Variants in PSD2 observed in about 807,000 individuals in gnomAD.
PSD2 encodes PH and SEC7 domain-containing protein 2.
In PSD2, 38 loss-of-function variants were observed where a neutral mutation model predicts 69.8. The ratio of observed to expected loss-of-function variants is 0.54; its 90% confidence interval spans 0.42 to 0.71. PSD2 has a LOEUF of 0.71. PSD2 is among the 30% of genes least tolerant of loss of function. The pLI, the probability that PSD2 is intolerant of heterozygous loss-of-function variation, is 0.00. For missense variants in PSD2, 943 were observed against 1,014.5 expected (o/e 0.93, Z 0.96); for synonymous variants, 412 against 423.0 (o/e 0.97, Z 0.32).
the PSD2 span, among the ~76,000 whole-genome samples, chr5:139,751,953 C>T: frequency 4.6e-5 from 7 of 151,962 alleles, no homozygotes; most frequent in Admixed American, 1.3e-4. Context: ...TCACCATGCC[C>T]GGCTAATGTT....
chr5:139,762,092 G>T, the PSD2 span, among the ~76,000 whole-genome samples: 1 of 152,098 alleles, frequency 6.6e-6, no homozygotes, highest in African/African-American at 2.4e-5. Flanking sequence ...TGCCAGGCTG[G>T]AGTGCAGTGG....
the PSD2 span, among the ~76,000 whole-genome samples, chr5:139,765,843 C>A: frequency 1.3e-5 from 2 of 152,234 alleles, no homozygotes; most frequent in African/African-American, 2.4e-5. Context: ...CCGCCGCCGT[C>A]GTGGCTTTGG....
At chr5:139,778,310 G>T in the PSD2 span, among the ~76,000 whole-genome samples, 2 of 152,232 alleles carry the variant, frequency 1.3e-5, no homozygotes, top group African/African-American at 4.8e-5. Flanking sequence ...CCCAAGAACT[G>T]TAAGCCTTGG....
At chr5:139,748,846 CAG>C in the PSD2 span, among the ~76,000 whole-genome samples, 3 of 151,090 alleles carry the variant, frequency 2.0e-5, no homozygotes, top group Admixed American at 6.6e-5. Context: ...AGGGAAAAAA[CAG>C]AGAATAAATA....
At chr5:139,822,699 C>T (rs763407021) in intron 6 of PSD2, 27 bp from the exon 7 acceptor site, 1 of 1,602,058 alleles carries the variant, frequency 6.2e-7, no homozygotes, top group Non-Finnish European at 8.5e-7. Flanking sequence ...GATCCTCGCA[C>T]TGAGAGTGCC....
intron 8 of PSD2, among the ~76,000 whole-genome samples, chr5:139,835,409 G>T (rs1442201968): frequency 1.3e-5 from 2 of 152,084 alleles, no homozygotes; most frequent in Non-Finnish European, 2.9e-5. Flanking sequence ...ACCCTGTCGA[G>T]CACTTGCTGT....
chr5:139,757,734 C>CTGGTG, the PSD2 span, among the ~76,000 whole-genome samples: 1 of 152,186 alleles, frequency 6.6e-6, no homozygotes, highest in Non-Finnish European at 1.5e-5. Flanking sequence ...AAAAGCAGGC[C>CTGGTG]TCCAGACCTT....
In PSD2 at chr5:139,807,975, C is replaced by A. The variant is rs147909952; in HGVS notation, c.-50-1416C>A. Reference sequence around the variant, plus strand: ...CAAGTCCCTCAGGTGGTGTTTATGACCAGGCAAGTATAGGAAGTTTGAGCC... The same window carrying A: ...CAAGTCCCTCAGGTGGTGTTTATGAACAGGCAAGTATAGGAAGTTTGAGCC... On this transcript the variant is annotated intron_variant, in intron 1 of 14. Coordinates refer to ENST00000274710, the MANE Select transcript of PSD2 (RefSeq NM_032289.4). Among the ~76,000 whole-genome samples the A allele has an allele frequency of 5.5e-3, 831 of 152,294 alleles. 7 individuals carry two copies. The highest frequency in any genetic ancestry group is 9.1e-3 in the South Asian group (44 of 4,824).
At chr5:139,787,931 G>C in the PSD2 span, among the ~76,000 whole-genome samples, 45,090 of 152,144 alleles carry the variant, frequency 0.3, 7,139 homozygotes, top group African/African-American at 0.41. Context: ...AGGAGACTTT[G>C]AGAACGGGCG....
At chr5:139,787,967 T>A in the PSD2 span, among the ~76,000 whole-genome samples, 2 of 152,326 alleles carry the variant, frequency 1.3e-5, no homozygotes, top group South Asian at 4.1e-4. Context: ...GGCTGATTTT[T>A]GAGTGCCTGC....
chr5:139,816,417 C>T (rs1760123103), intron 4 of PSD2, among the ~76,000 whole-genome samples: 1 of 152,186 alleles, frequency 6.6e-6, no homozygotes, highest in Non-Finnish European at 1.5e-5. Flanking sequence ...CTCTTTTAAC[C>T]AACAACAGTT....
the PSD2 span, among the ~76,000 whole-genome samples, chr5:139,748,733 C>A: frequency 9.8e-5 from 15 of 152,376 alleles, no homozygotes; most frequent in East Asian, 3.9e-4. Flanking sequence ...GCCCGTCCTC[C>A]TAGGCAATGC....
At chr5:139,767,337 C>T in the PSD2 span, among the ~76,000 whole-genome samples, 1 of 151,688 alleles carries the variant, frequency 6.6e-6, no homozygotes, top group Non-Finnish European at 1.5e-5. Flanking sequence ...TTTTTAAAGA[C>T]AGAATCCCAC....
At chr5:139,779,369 T>C in the PSD2 span, among the ~76,000 whole-genome samples, 1 of 152,230 alleles carries the variant, frequency 6.6e-6, no homozygotes, top group Non-Finnish European at 1.5e-5. Context: ...CCGGGTTTTC[T>C]AATTTATTTT....
intron 5 of PSD2, among the ~76,000 whole-genome samples, chr5:139,819,071 A>C (rs1359746781): frequency 6.6e-6 from 1 of 152,150 alleles, no homozygotes; most frequent in African/African-American, 2.4e-5. Flanking sequence ...TTTCCATCAT[A>C]TATCCTGTCT....
the PSD2 span, among the ~76,000 whole-genome samples, chr5:139,770,082 G>A: frequency 5.9e-5 from 9 of 152,216 alleles, no homozygotes; most frequent in Non-Finnish European, 1.0e-4. Flanking sequence ...GGTGATGCCC[G>A]TGAGCACAGG....
chr5:139,806,657 C>T (rs1759815388), intron 1 of PSD2, among the ~76,000 whole-genome samples: 1 of 152,182 alleles, frequency 6.6e-6, no homozygotes, highest in African/African-American at 2.4e-5. Flanking sequence ...TGCTCCCACT[C>T]TGTAGATGGG....
chr5:139,825,784 A>G (rs1308986383), intron 7 of PSD2, among the ~76,000 whole-genome samples: 3 of 152,154 alleles, frequency 2.0e-5, no homozygotes, highest in Admixed American at 1.3e-4. Flanking sequence ...AGGCAGTAAC[A>G]TGGATTAGTC....
intron 1 of PSD2, among the ~76,000 whole-genome samples, chr5:139,797,031 G>A (rs1759549695): frequency 6.6e-6 from 1 of 152,182 alleles, no homozygotes; most frequent in Non-Finnish European, 1.5e-5. Flanking sequence ...TTGGGGGTGG[G>A]GGGGTTCACT....
Sources: allele counts gnomAD v4.1 joint callset (sites outside exome capture counted in the v4.1 genomes callset), GRCh38; gene constraint gnomAD v4.1.1; transcripts MANE v1.5; gene names NCBI Gene and HGNC (gene_info 2026-07-23, HGNC 2026-07-21).